The following HS6ST3 variants were observed in gnomAD, a reference collection of about 807,000 sequenced individuals.
The protein encoded by HS6ST3 is heparan-sulfate 6-O-sulfotransferase 3.
HS6ST3 carries 12 observed loss-of-function variants against 36.7 expected under a neutral mutation model. The observed-to-expected ratio is 0.33, with a 90% CI of 0.21 to 0.53. The LOEUF (loss-of-function observed/expected upper bound fraction) is 0.53, where lower values mean the gene tolerates loss of function less well. HS6ST3 is among the 20% of genes least tolerant of loss of function. The pLI is 0.95. For missense variants in HS6ST3, 584 were observed against 640.9 expected (o/e 0.91, Z 0.96); for synonymous variants, 240 against 257.5 (o/e 0.93, Z 0.65).
chr13:96,687,384 G>A (rs1874813907), intron 1 of HS6ST3, among the ~76,000 whole-genome samples: 2 of 151,948 alleles, frequency 1.3e-5, no homozygotes, highest in Non-Finnish European at 2.9e-5. Flanking sequence ...TTGGCTGAAA[G>A]TCAATTACTT....
intron 1 of HS6ST3, among the ~76,000 whole-genome samples, chr13:96,576,693 G>A (rs1236902575): frequency 6.6e-6 from 1 of 151,978 alleles, no homozygotes; most frequent in African/African-American, 2.4e-5. Flanking sequence ...TGTAATCCCA[G>A]CACTTTGGGA....
intron 1 of HS6ST3, among the ~76,000 whole-genome samples, chr13:96,637,747 AC>A (rs943896128): frequency 2.6e-5 from 4 of 152,272 alleles, no homozygotes; most frequent in Admixed American, 6.5e-5. Flanking sequence ...AATAAAAAAA[AC>A]AATAATACAT....
intron 1 of HS6ST3, among the ~76,000 whole-genome samples, chr13:96,396,998 G>C (rs916330166): frequency 3.3e-5 from 5 of 152,146 alleles, no homozygotes; most frequent in African/African-American, 4.8e-5. Context: ...GAGGTCAGGA[G>C]TTCGAGATCA....
chr13:96,159,087 A>G (rs1258100320), intron 1 of HS6ST3, among the ~76,000 whole-genome samples: 1 of 152,184 alleles, frequency 6.6e-6, no homozygotes, highest in African/African-American at 2.4e-5. Flanking sequence ...GCCAGGAAGG[A>G]GGGAGCAGTT....
At chr13:96,730,175 T>C (rs1237354326) in intron 1 of HS6ST3, among the ~76,000 whole-genome samples, 3 of 152,242 alleles carry the variant, frequency 2.0e-5, no homozygotes, top group Non-Finnish European at 2.9e-5. Context: ...CGCAGGTCTT[T>C]TTCCAGATCA....
At chr13:96,321,974 G>A (rs961435031) in intron 1 of HS6ST3, among the ~76,000 whole-genome samples, 3 of 151,228 alleles carry the variant, frequency 2.0e-5, no homozygotes, top group African/African-American at 7.3e-5. Context: ...ATTCTCAGCT[G>A]GTGACTTTAT....
chr13:96,274,538 T>G (rs2054737993), intron 1 of HS6ST3, among the ~76,000 whole-genome samples: 1 of 152,132 alleles, frequency 6.6e-6, no homozygotes, highest in Non-Finnish European at 1.5e-5. Context: ...TCTTGAGTTA[T>G]TGCTGGAATT....
intron 1 of HS6ST3, among the ~76,000 whole-genome samples, chr13:96,393,110 C>T (rs1330211175): frequency 6.6e-6 from 1 of 152,184 alleles, no homozygotes; most frequent in African/African-American, 2.4e-5. Flanking sequence ...CTCATTCTCT[C>T]TTGCCTGCTG....
At chr13:96,152,677 T>A (rs1441145485) in intron 1 of HS6ST3, among the ~76,000 whole-genome samples, 2 of 152,026 alleles carry the variant, frequency 1.3e-5, no homozygotes, top group Non-Finnish European at 2.9e-5. Context: ...TTTATATGCT[T>A]CTATATGATT....
At chr13:96,828,247 A>G (rs933359476) in intron 1 of HS6ST3, among the ~76,000 whole-genome samples, 7 of 152,224 alleles carry the variant, frequency 4.6e-5, no homozygotes, top group Admixed American at 4.6e-4. Context: ...TCTTTAGCAC[A>G]TTTCAAAACT....
intron 1 of HS6ST3, among the ~76,000 whole-genome samples, chr13:96,584,977 CTT>C (rs1484350732): frequency 6.6e-6 from 1 of 152,126 alleles, no homozygotes; most frequent in African/African-American, 2.4e-5. Flanking sequence ...TTAGGGTACT[CTT>C]AGCAGAGAAC....
intron 1 of HS6ST3, among the ~76,000 whole-genome samples, chr13:96,202,606 C>T: frequency 6.6e-6 from 1 of 152,174 alleles, no homozygotes; most frequent in East Asian, 1.9e-4. Context: ...CTGCTCCTGG[C>T]AGAGTTGCCC....
intron 1 of HS6ST3, among the ~76,000 whole-genome samples, chr13:96,162,177 T>C (rs2054138622): frequency 6.6e-6 from 1 of 152,152 alleles, no homozygotes; most frequent in Admixed American, 6.5e-5. Flanking sequence ...AGTAAGGATA[T>C]AAAAATGTAT....
At chr13:96,715,648 C>T (rs112268473) in intron 1 of HS6ST3, among the ~76,000 whole-genome samples, 2,845 of 152,118 alleles carry the variant, frequency 0.019, 79 homozygotes, top group African/African-American at 0.064. Flanking sequence ...CAGTTTCTCC[C>T]CTATCTCTAG....
At chr13:96,695,084 TA>T (rs1473882169) in intron 1 of HS6ST3, among the ~76,000 whole-genome samples, 5 of 152,202 alleles carry the variant, frequency 3.3e-5, no homozygotes, top group African/African-American at 1.2e-4. Flanking sequence ...TGTAGTTTTT[TA>T]AAAAAATTAT....
In HS6ST3 at chr13:96,666,750, T is replaced by C. The variant is rs142045183; in HGVS notation, c.708-165740T>C. ...TGTGACCTCATTTTCAAAATTTTAC[T>C]TCTTTATAAAATAGTTATATTTTAT... On this transcript the variant is annotated intron_variant, in intron 1 of 1. Transcript: ENST00000376705. 7.2e-5 allele frequency among the ~76,000 whole-genome samples: 11 copies of C among 152,288 alleles called. No individual in the cohort carries two copies. In the East Asian group the frequency reaches 1.9e-3, roughly 27 times the overall value.
At chr13:96,141,500 G>A (rs965585619) in intron 1 of HS6ST3, among the ~76,000 whole-genome samples, 2 of 152,002 alleles carry the variant, frequency 1.3e-5, no homozygotes, top group Admixed American at 6.6e-5. Flanking sequence ...ACAGGTGTGC[G>A]CCATCATGCC....
At chr13:96,549,583 T>C (rs1333555692) in intron 1 of HS6ST3, among the ~76,000 whole-genome samples, 1 of 152,226 alleles carries the variant, frequency 6.6e-6, no homozygotes, top group Non-Finnish European at 1.5e-5. Context: ...TCAAAGGTTA[T>C]CTGTCCTTTG....
intron 1 of HS6ST3, among the ~76,000 whole-genome samples, chr13:96,661,683 A>T (rs936385323): frequency 6.6e-6 from 1 of 152,162 alleles, no homozygotes; most frequent in South Asian, 2.1e-4. Context: ...TGTTTGCTTC[A>T]TAAGACCTGT....
Sources: allele counts gnomAD v4.1 joint callset (sites outside exome capture counted in the v4.1 genomes callset), GRCh38; gene constraint gnomAD v4.1.1; transcripts MANE v1.5; gene names NCBI Gene and HGNC (gene_info 2026-07-23, HGNC 2026-07-21).